GALNT10: variants seen among roughly 807,000 people sequenced by gnomAD.
GALNT10 encodes the protein polypeptide N-acetylgalactosaminyltransferase 10.
Under a neutral mutation model 75.0 loss-of-function variants are expected in GALNT10, and 41 were observed. The ratio of observed to expected loss-of-function variants is 0.55; its 90% CI spans 0.43 to 0.71. The LOEUF is 0.71. GALNT10 is among the 30% of genes least tolerant of loss of function. The probability of loss-of-function intolerance (pLI) is 0.00; values close to 1 mark genes in which losing one functional copy is unlikely to be tolerated. For missense variants in GALNT10, 727 were observed against 818.5 expected, an observed-to-expected ratio of 0.89 and a Z score of 1.36; for synonymous variants, 302 against 313.0, an observed-to-expected ratio of 0.96 and a Z score of 0.37.
intron 3 of GALNT10, among the ~76,000 whole-genome samples, chr5:154,303,104 AC>A (rs1297631394): frequency 6.7e-5 from 10 of 150,050 alleles, no homozygotes; most frequent in African/African-American, 2.2e-4. Context: ...CCTAAACAAC[AC>A]CCCCCACCCA....
chr5:154,277,387 C>T (rs2113048075), intron 1 of GALNT10, among the ~76,000 whole-genome samples: 1 of 152,150 alleles, frequency 6.6e-6, no homozygotes, highest in South Asian at 2.1e-4. Context: ...CAAGCTGGCA[C>T]ACTGTCACTT....
chr5:154,419,832 G>A lies in GALNT10; in HGVS notation c.*2860G>A, dbSNP rs992621986. 6.6e-6 allele frequency: 1 copy of A among 152,232 alleles called. No individual in the cohort carries two copies. The highest frequency in any genetic ancestry group is 6.5e-5 in the Admixed American group (1 of 15,280). 9.4% of individuals were successfully genotyped at this position (152,232 alleles called of 1,614,324 possible). On this transcript the variant is annotated 3_prime_UTR_variant, in exon 12 of 12. Transcript: ENST00000297107. ...GATGCTCAATAAAACTCAGCCAGGA[G>A]CATATGGAGATGCTGACAGCCAGGT... is the stretch of plus-strand genomic sequence containing the variant.
chr5:154,207,267 A>T (rs544117540), intron 1 of GALNT10, among the ~76,000 whole-genome samples: 20 of 152,352 alleles, frequency 1.3e-4, no homozygotes, highest in Admixed American at 1.2e-3. Context: ...CCAGCTACAC[A>T]GCAGGCTGAG....
At chr5:154,314,148 C>T (rs1027263410) in intron 3 of GALNT10, among the ~76,000 whole-genome samples, 1 of 152,080 alleles carries the variant, frequency 6.6e-6, no homozygotes, top group Non-Finnish European at 1.5e-5. Context: ...CATATGGCAC[C>T]TCTTTTATTC....
chr5:154,342,648 G>C (rs752923061), intron 4 of GALNT10, among the ~76,000 whole-genome samples: 1 of 152,020 alleles, frequency 6.6e-6, no homozygotes, highest in Non-Finnish European at 1.5e-5. Flanking sequence ...GTATACCCTG[G>C]GTCAGCAAAA....
At chr5:154,379,676 T>C (rs757811775) in intron 5 of GALNT10, among the ~76,000 whole-genome samples, 2 of 152,156 alleles carry the variant, frequency 1.3e-5, no homozygotes, top group Non-Finnish European at 2.9e-5. Flanking sequence ...CAGACTCGAT[T>C]TTCTAGAATC....
intron 4 of GALNT10, among the ~76,000 whole-genome samples, chr5:154,354,608 C>T (rs965436706): frequency 6.6e-6 from 1 of 152,190 alleles, no homozygotes. Context: ...TCCCATGCCC[C>T]AGTGTAGTGT....
At chr5:154,319,480 C>T (rs2113105289) in intron 3 of GALNT10, among the ~76,000 whole-genome samples, 1 of 152,290 alleles carries the variant, frequency 6.6e-6, no homozygotes, top group Middle Eastern at 3.4e-3. Flanking sequence ...CTGAATCCAA[C>T]TCATTTACCC....
At chr5:154,248,277 T>C (rs1753463309) in intron 1 of GALNT10, among the ~76,000 whole-genome samples, 2 of 152,254 alleles carry the variant, frequency 1.3e-5, no homozygotes, top group Non-Finnish European at 2.9e-5. Context: ...ATTCTCTTTT[T>C]TTGTTGCGTC....
At chr5:154,311,908 G>A (rs538293935) in intron 3 of GALNT10, among the ~76,000 whole-genome samples, 8 of 152,140 alleles carry the variant, frequency 5.3e-5, no homozygotes, top group East Asian at 1.9e-4. Context: ...CACCGTACCC[G>A]GTGGAGGGAA....
chr5:154,251,576 A>T (rs1753524554), intron 1 of GALNT10, among the ~76,000 whole-genome samples: 1 of 152,170 alleles, frequency 6.6e-6, no homozygotes, highest in South Asian at 2.1e-4. Context: ...CTACACCAGG[A>T]GGCACATTAC....
chr5:154,402,447 A>G lies in GALNT10; in HGVS notation c.1057-1657A>G, dbSNP rs1176452870. ...CATCTCTCACATCCCATACACCCCTACAACGAATCTATGCAATGGCCCTGC... is the reference window on the plus strand; with the variant it reads ...CATCTCTCACATCCCATACACCCCTGCAACGAATCTATGCAATGGCCCTGC... On this transcript the variant is annotated intron_variant, in intron 7 of 11. Coordinates refer to ENST00000297107, the MANE Select transcript of GALNT10 (RefSeq NM_198321.4). The surrounding 1 kb of genome is among the most constrained non-coding windows in gnomAD (Gnocchi z 4.2). 6.6e-6 allele frequency among the ~76,000 whole-genome samples: 1 copy of G among 152,178 alleles called. No homozygotes were observed. The highest frequency in any genetic ancestry group is 2.4e-5 in the African/African-American group (1 of 41,432).
Position 154,409,890 on chromosome 5 carries a change from C to A in GALNT10, c.1386+128C>A. ...GCGTGAATATAAAATCGTTTCCTTTCTTTCCTGGTCTCTCTCTAGCCTTGT... is the reference window on the plus strand; with the variant it reads ...GCGTGAATATAAAATCGTTTCCTTTATTTCCTGGTCTCTCTCTAGCCTTGT... On this transcript the variant is annotated intron_variant, in intron 9 of 11. Coordinates refer to ENST00000297107, the MANE Select transcript of GALNT10 (RefSeq NM_198321.4). The surrounding 1 kb of genome is among the most constrained non-coding windows in gnomAD (Gnocchi z 4.5). 1 of 661,766 alleles carries A rather than the reference C, an allele frequency of 1.5e-6. No homozygotes were observed. Among genetic ancestry groups the A allele is most frequent in the Non-Finnish European group, 2.7e-6 (1 of 373,530 alleles). The allele number at this position is 661,766 out of a possible 1,614,324, so 41.0% of individuals were successfully genotyped here. A position where few individuals can be genotyped will look rare whatever the true frequency, so the allele number is the denominator to read the frequency against.
intron 1 of GALNT10, among the ~76,000 whole-genome samples, chr5:154,221,728 C>T (rs1184377735): frequency 3.3e-5 from 5 of 152,238 alleles, no homozygotes; most frequent in African/African-American, 1.2e-4. Flanking sequence ...CGAAGGCAAC[C>T]TCAAAAAGCC....
intron 4 of GALNT10, among the ~76,000 whole-genome samples, chr5:154,351,199 T>C (rs557392067): frequency 3.7e-4 from 57 of 152,340 alleles, no homozygotes; most frequent in African/African-American, 1.3e-3. Flanking sequence ...GAAAATAATG[T>C]TATTGTTATC....
chr5:154,282,147 G>A (rs1049167920), intron 1 of GALNT10, among the ~76,000 whole-genome samples: 1 of 152,224 alleles, frequency 6.6e-6, no homozygotes, highest in Non-Finnish European at 1.5e-5. Context: ...TCACATGGGT[G>A]AGAGAGATGG....
At chr5:154,323,981 G>C (rs1466047982) in intron 3 of GALNT10, among the ~76,000 whole-genome samples, 1 of 152,234 alleles carries the variant, frequency 6.6e-6, no homozygotes, top group African/African-American at 2.4e-5. Flanking sequence ...TGCCTTGCCT[G>C]CTCCCTGGGG....
In GALNT10 at chr5:154,211,044, C is replaced by T. The variant is rs376557591; in HGVS notation, c.159+20019C>T. Among the ~76,000 whole-genome samples, 30 of 152,268 alleles carry T rather than the reference C, an allele frequency of 2.0e-4. No homozygotes were observed. The East Asian group carries it at 5.0e-3, about 25-fold the overall frequency. ...TAAAGGATATACAGGATCCTCTGTACCAGCCTTGCATCTTTCCTATTAGTT... is the reference window on the plus strand; with the variant it reads ...TAAAGGATATACAGGATCCTCTGTATCAGCCTTGCATCTTTCCTATTAGTT... On this transcript the variant is annotated intron_variant, in intron 1 of 11. Coordinates refer to ENST00000297107, the MANE Select transcript of GALNT10 (RefSeq NM_198321.4).
rs190485009 is a variant in GALNT10, at chr5:154,255,102, G to A, written c.160-39714G>A. Among the ~76,000 whole-genome samples the A allele has an allele frequency of 4.7e-4, 72 of 152,164 alleles. 2 individuals are homozygous for A. The highest frequency in any genetic ancestry group is 4.4e-3 in the South Asian group (21 of 4,814). ...TCAAAGTGCTGGGATACAGGCATGAGTCACCATGCCCAGCCCCTTTATTAC... is the reference window on the plus strand; with the variant it reads ...TCAAAGTGCTGGGATACAGGCATGAATCACCATGCCCAGCCCCTTTATTAC... On this transcript the variant is annotated intron_variant, in intron 1 of 11. Transcript: ENST00000297107.
Sources: gnomAD v4.1 joint callset for allele counts (sites outside exome capture counted in the v4.1 genomes callset) on GRCh38, gnomAD v4.1.1 for gene constraint, Gnocchi (gnomAD v3.1) non-coding constraint, MANE v1.5 for transcripts, NCBI Gene and HGNC (gene_info 2026-07-23, HGNC 2026-07-21) for gene names.